Variants in ESPNL observed in about 807,000 individuals in gnomAD.
The protein encoded by ESPNL is espin like, also known as espin-like protein.
Under a neutral mutation model 46.8 loss-of-function variants are expected in ESPNL, and 49 were observed. The observed-to-expected ratio is 1.05, with a 90% CI of 0.83 to 1.33. The LOEUF is 1.33. Among genes scored for constraint, ESPNL ranks in the 40% most tolerant of loss-of-function variants. The pLI, the probability that ESPNL is intolerant of heterozygous loss-of-function variation, is 0.00. For synonymous variants in ESPNL, 664 were observed against 662.1 expected, an observed-to-expected ratio of 1.00 and a Z score of -0.04; for missense variants, 1,540 against 1,436.6, an observed-to-expected ratio of 1.07 and a Z score of -1.16.
chr2:238,118,552 G>GGA, intron 5 of ESPNL, among the ~76,000 whole-genome samples: 1 of 125,836 alleles, frequency 7.9e-6, no homozygotes, highest in Non-Finnish European at 1.7e-5. Flanking sequence ...GGATGGAAGA[G>GGA]GTGGATGGAG....
Position 238,125,371 on chromosome 2 carries a change from AG to A in ESPNL, c.1092del (p.Asn365ThrfsTer24). The part of the protein sequence containing the change: ...EDGRRGGPGP[G>X]NPSPMSLSPA... ...ATGGAAGAAGAGGAGGCCCAGGGCC[AG>A]GGAACCCCAGCCGTGAGTGCACAGC... On this transcript the variant is annotated frameshift_variant, in exon 6 of 9. Transcript: ENST00000343063. LOFTEE classifies it high-confidence loss of function. 1 of 1,555,356 alleles carries A rather than the reference AG, an allele frequency of 6.4e-7. No homozygotes were observed. The highest frequency in any genetic ancestry group is 1.9e-5 in the Admixed American group (1 of 51,656).
Position 238,104,685 on chromosome 2 carries a change from C to CCTCCCCACTCTACCTGGCCT in ESPNL, c.516_535dup (p.Cys179SerfsTer20). ...GTGAACCGGCGGACACGCAGTGGCG[C>CCTCCCCACTCTACCTGGCCT]CTCCCCACTCTACCTGGCCTGCCAG... is the stretch of plus-strand genomic sequence containing the variant. On this transcript the variant is annotated frameshift_variant, in exon 3 of 9. Coordinates refer to ENST00000343063, the MANE Select transcript of ESPNL (RefSeq NM_194312.4). LOFTEE classifies it high-confidence loss of function. 1 of 1,602,946 alleles carries CCTCCCCACTCTACCTGGCCT rather than the reference C, an allele frequency of 6.2e-7. No individual in the cohort carries two copies. The highest frequency in any genetic ancestry group is 8.5e-7 in the Non-Finnish European group (1 of 1,175,408).
intron 3 of ESPNL, among the ~76,000 whole-genome samples, chr2:238,107,415 G>A (rs969027880): frequency 5.3e-5 from 8 of 152,158 alleles, no homozygotes; most frequent in African/African-American, 1.9e-4. Flanking sequence ...CGCCACCCTC[G>A]GGCCAAATGA....
At chr2:238,110,013 A>G (rs56106131) in intron 4 of ESPNL, among the ~76,000 whole-genome samples, 5 of 127,870 alleles carry the variant, frequency 3.9e-5, no homozygotes, top group South Asian at 2.5e-4. Flanking sequence ...CCCATTTAGG[A>G]TGCCACACGT....
intron 7 of ESPNL, among the ~76,000 whole-genome samples, chr2:238,128,415 A>T (rs979968620): frequency 2.6e-5 from 4 of 152,204 alleles, no homozygotes; most frequent in African/African-American, 9.6e-5. Context: ...CTCCGCGAGC[A>T]TCTGCTGGGC....
rs953568293 is a variant in ESPNL at position 238,131,919 on chromosome 2, C to G, written c.*187C>G. ...TCTCCTCCGAGCTGGGACTCAGACT[C>G]CTTCTCACCACTGCACCCAGGAAGC... is the stretch of plus-strand genomic sequence containing the variant. On this transcript the variant is annotated 3_prime_UTR_variant, in exon 9 of 9. Coordinates refer to ENST00000343063, the MANE Select transcript of ESPNL (RefSeq NM_194312.4). The G allele has an allele frequency of 3.1e-6, 2 of 653,968 alleles. No homozygotes were observed. The allele number at this position is 653,968 out of a possible 1,614,324, so 40.5% of individuals were successfully genotyped here.
chr2:238,123,714 C>G (rs2106475441), intron 5 of ESPNL, among the ~76,000 whole-genome samples: 1 of 152,352 alleles, frequency 6.6e-6, no homozygotes. Context: ...TCCCTGCACT[C>G]TGCAGTTCGC....
chr2:238,104,579 C>T (rs542125122), intron 2 of ESPNL, 77 bp from the exon 3 acceptor site: 76 of 1,408,460 alleles, frequency 5.4e-5, no homozygotes, highest in East Asian at 2.6e-4. Context: ...CAGGGGGCAG[C>T]GGTGAAGTCC....
rs1327065227 is a variant in ESPNL at position 238,131,030 on chromosome 2, G to A, written c.2316G>A (p.Gly772=). 9.1e-6 allele frequency: 14 copies of A among 1,539,274 alleles called. No individual in the cohort carries two copies. Among genetic ancestry groups the A allele is most frequent in the East Asian group, 4.9e-5 (2 of 40,772 alleles). ...GGACCCTAGGAGCCCGCCACGCGGG[G>A]TTGCGGGGCCAGGAGGCCGCCAGGA... The part of the protein sequence containing the change: ...ACRTLGARHA[G]LRGQEAARSP... The change falls in exon 9 of 9, where the codon GGG becomes GGA. Residue 772 remains glycine (G), a synonymous_variant. Transcript: ENST00000343063.
intron 6 of ESPNL, among the ~76,000 whole-genome samples, chr2:238,125,812 A>AGTGGAG (rs1559266372): frequency 6.3e-5 from 4 of 63,232 alleles, no homozygotes; most frequent in South Asian, 4.9e-4. Flanking sequence ...GTGGAGTGGA[A>AGTGGAG]TGGAATTATC....
In ESPNL at chr2:238,130,653, G is replaced by T. The variant is rs1355808332; in HGVS notation, c.1939G>T (p.Glu647Ter). 1 of 1,561,516 alleles carries T rather than the reference G, an allele frequency of 6.4e-7. No individual in the cohort carries two copies. The highest frequency in any genetic ancestry group is 1.4e-5 in the African/African-American group (1 of 73,878). Reference protein sequence around the residue: ...PRSEAQRQIQEWGVSVRTLRG... With the variant: ...PRSEAQRQIQ ...GAGCGAGGCCCAGCGCCAGATCCAG[G>T]AGTGGGGGGTGTCTGTGCGGACGCT... is the stretch of plus-strand genomic sequence containing the variant. The change falls in exon 9 of 9, where the codon GAG (glutamate) becomes TAG (stop). Residue 647 changes from glutamate to a stop codon, truncating the protein, a stop_gained. Transcript: ENST00000343063. LOFTEE classifies it low-confidence loss of function (END_TRUNC).
intron 4 of ESPNL, 103 bp from the exon 5 acceptor site, chr2:238,116,800 G>A (rs997045645): frequency 1.1e-5 from 16 of 1,438,044 alleles, no homozygotes; most frequent in Non-Finnish European, 1.2e-5. Flanking sequence ...AGGGCATCAG[G>A]GCAGCCTGCG....
At chr2:238,105,011 G>C (rs1426286442) in intron 3 of ESPNL, among the ~76,000 whole-genome samples, 169 bp downstream of exon 3, 2 of 152,112 alleles carry the variant, frequency 1.3e-5, no homozygotes, top group African/African-American at 4.8e-5. Context: ...CTCCGGCCAG[G>C]CTGGGCCCCA....
intron 3 of ESPNL, among the ~76,000 whole-genome samples, chr2:238,107,040 G>T (rs1243100628): frequency 6.6e-6 from 1 of 152,254 alleles, no homozygotes; most frequent in African/African-American, 2.4e-5. Flanking sequence ...CACACTCAAG[G>T]CAGGAAGGAG....
intron 4 of ESPNL, among the ~76,000 whole-genome samples, chr2:238,111,849 C>T (rs985623263): frequency 3.3e-5 from 5 of 152,158 alleles, no homozygotes; most frequent in African/African-American, 1.2e-4. Context: ...GTTACACCAA[C>T]CTTTCATTCC....
Position 238,102,093 on chromosome 2 carries a change from C to T in ESPNL, c.447C>T (p.Asp149=). The change falls in exon 2 of 9, where the codon GAC becomes GAT. Residue 149 remains aspartate, a synonymous_variant. Coordinates refer to ENST00000343063, the MANE Select transcript of ESPNL (RefSeq NM_194312.4). ...RPLHHAAVSG[D]LTCLKLLTAA... is the part of the protein sequence containing the mutation. ...TGCACCACGCTGCCGTCAGTGGGGA[C>T]CTGACCTGCCTCAAGCTCCTGACAG... is the stretch of plus-strand genomic sequence containing the variant. 1 of 1,570,656 alleles carries T rather than the reference C, an allele frequency of 6.4e-7. No individual in the cohort carries two copies.
rs1559256339 is a variant in ESPNL at position 238,100,522 on chromosome 2, C to A, written c.103C>A (p.Leu35Met). The change falls in exon 1 of 9, where the codon CTG (leucine) becomes ATG (methionine). Residue 35 changes from leucine (L) to methionine (M), a missense_variant. By Grantham distance (15) the Leu-to-Met change is conservative. Coordinates refer to ENST00000343063, the MANE Select transcript of ESPNL (RefSeq NM_194312.4). ...CCTGGGCCCGGGCATCACCGATGCT[C>A]TGGGGGCCGGCCTGGTTCACCACGC... is the stretch of plus-strand genomic sequence containing the variant. ...GALGPGITDA[L>M]GAGLVHHATR... The A allele has an allele frequency of 1.3e-6, 2 of 1,596,486 alleles. No homozygotes were observed. The highest frequency in any genetic ancestry group is 1.7e-4 in the Middle Eastern group (1 of 5,950).
At position 238,130,516 on chromosome 2, in the gene ESPNL, G is replaced by A. The variant is rs138802916; in HGVS notation, c.1802G>A (p.Arg601His). The change falls in exon 9 of 9, where the codon CGC (arginine) becomes CAC (histidine). Residue 601 changes from arginine (R) to histidine (H), a missense_variant. Arg to His is a conservative substitution (Grantham distance 29). Coordinates refer to ENST00000343063, the MANE Select transcript of ESPNL (RefSeq NM_194312.4). ...FWCSHISRLV[R>H]SLSLLLKGVH... ...TGCAGCCACATCTCCCGCCTGGTAC[G>A]CAGCCTGTCCCTGCTGCTGAAGGGC... 9.1e-5 allele frequency: 146 copies of A among 1,597,560 alleles called. 1 individual carries two copies. In the African/African-American group the frequency reaches 9.6e-4, roughly 11 times the overall value.
intron 6 of ESPNL, among the ~76,000 whole-genome samples, chr2:238,126,336 G>A (rs1313909868): frequency 3.9e-4 from 53 of 135,740 alleles, no homozygotes; most frequent in African/African-American, 1.6e-3. Flanking sequence ...CTGTGTGTCT[G>A]TATGTGATTG....
Sources: gnomAD v4.1 joint callset for allele counts (sites outside exome capture counted in the v4.1 genomes callset) on GRCh38, gnomAD v4.1.1 for gene constraint, MANE v1.5 for transcripts, NCBI Gene and HGNC (gene_info 2026-07-23, HGNC 2026-07-21) for gene names.